Variants in FAM228B observed in about 807,000 individuals in gnomAD.
FAM228B encodes protein FAM228B.
A neutral mutation model predicts 42.6 loss-of-function variants in FAM228B; 38 were observed. The observed-to-expected ratio is 0.89, with a 90% CI of 0.69 to 1.17. The LOEUF is 1.17. FAM228B is among the 50% of genes most tolerant of loss of function. The pLI is 0.00. For missense variants in FAM228B, 344 were observed against 367.3 expected, an observed-to-expected ratio of 0.94 and a Z score of 0.52; for synonymous variants, 109 against 122.3, an observed-to-expected ratio of 0.89 and a Z score of 0.72.
At chr2:24,093,375 C>T (rs1665430320) in intron 2 of FAM228B, among the ~76,000 whole-genome samples, 1 of 151,912 alleles carries the variant, frequency 6.6e-6, no homozygotes, top group Admixed American at 6.6e-5. Context: ...TTGTTCATCT[C>T]CCACTTATGA....
At chr2:24,155,690 G>A (rs1278303254) in intron 7 of FAM228B, among the ~76,000 whole-genome samples, 1 of 151,070 alleles carries the variant, frequency 6.6e-6, no homozygotes, top group Non-Finnish European at 1.5e-5. Context: ...ACAGGCATCC[G>A]CCACCACGCC....
chr2:24,083,248 C>G, intron 2 of FAM228B: 1 of 1,362,742 alleles, frequency 7.3e-7, no homozygotes, highest in Non-Finnish European at 9.9e-7. Flanking sequence ...TTTTTTTTTT[C>G]AAAAATAAAT....
intron 3 of FAM228B, among the ~76,000 whole-genome samples, chr2:24,109,077 A>G (rs763751931): frequency 4.2e-4 from 64 of 151,902 alleles, no homozygotes; most frequent in Admixed American, 9.8e-4. Flanking sequence ...ACAGACATAT[A>G]GACCAATGGA....
chr2:24,157,085 A>G (rs985896322), intron 7 of FAM228B, among the ~76,000 whole-genome samples: 4 of 152,172 alleles, frequency 2.6e-5, no homozygotes, highest in East Asian at 1.9e-4. Context: ...TGTTGACCCA[A>G]TGATTACTCA....
Position 24,078,280 on chromosome 2 carries a change from C to T in FAM228B, c.-290+1311C>T, listed in dbSNP as rs557705395. ...TCTTCTCAAATTTATTGTTCTTTGTCTAAAAATTACAAAAGCATCTTACTT... is the reference window on the plus strand; with the variant it reads ...TCTTCTCAAATTTATTGTTCTTTGTTTAAAAATTACAAAAGCATCTTACTT... On this transcript the variant is annotated intron_variant, in intron 1 of 10. Coordinates refer to the FAM228B transcript ENST00000613899. 3.9e-5 allele frequency among the ~76,000 whole-genome samples: 6 copies of T among 151,934 alleles called. No homozygotes were observed. The South Asian group carries it at 1.0e-3, about 26-fold the overall frequency.
intron 2 of FAM228B, among the ~76,000 whole-genome samples, chr2:24,128,379 A>G (rs545795581): frequency 1.3e-5 from 2 of 152,234 alleles, no homozygotes; most frequent in Non-Finnish European, 2.9e-5. Flanking sequence ...GTGAGCCATC[A>G]TGCCTGGCCC....
chr2:24,145,389 A>G (rs1249573352), intron 5 of FAM228B, among the ~76,000 whole-genome samples: 2 of 152,214 alleles, frequency 1.3e-5, no homozygotes, highest in Admixed American at 1.3e-4. Context: ...CTGAAGAAAT[A>G]TGGAGACTAT....
chr2:24,142,008 TC>T (rs1301244866), intron 5 of FAM228B, among the ~76,000 whole-genome samples: 3 of 152,132 alleles, frequency 2.0e-5, no homozygotes, highest in Non-Finnish European at 2.9e-5. Flanking sequence ...TGTCTTCAGA[TC>T]CAGGTCCTTG....
intron 9 of FAM228B, chr2:24,165,556 C>T: frequency 2.2e-6 from 1 of 448,354 alleles, no homozygotes; most frequent in South Asian, 1.6e-5. Context: ...CCCCTAGCAG[C>T]AGCTGTCAAC....
chr2:24,110,160 C>G (rs1211487777), intron 3 of FAM228B, among the ~76,000 whole-genome samples: 1 of 152,160 alleles, frequency 6.6e-6, no homozygotes, highest in African/African-American at 2.4e-5. Context: ...AGGCATTATC[C>G]TTAGCAAACT....
At chr2:24,135,328 C>T (rs1279077652) in intron 3 of FAM228B, 141 bp downstream of exon 3, 1 of 550,656 alleles carries the variant, frequency 1.8e-6, no homozygotes, top group Non-Finnish European at 3.1e-6. Context: ...TGGAATTAAC[C>T]TTAAGGGATC....
chr2:24,155,504 CATATATATATAT>C (rs1156603467), intron 7 of FAM228B, among the ~76,000 whole-genome samples: 1 of 35,914 alleles, frequency 2.8e-5, no homozygotes, highest in African/African-American at 1.0e-4. Context: ...GAAGACCATG[CATATATATATAT>C]ATATATATAT....
chr2:24,163,720 C>T (rs931413752), intron 8 of FAM228B, among the ~76,000 whole-genome samples: 5 of 152,108 alleles, frequency 3.3e-5, no homozygotes, highest in East Asian at 1.9e-4. Flanking sequence ...TCTAGCAAAG[C>T]GAGACCCACG....
intron 2 of FAM228B, chr2:24,083,103 A>G: frequency 6.2e-7 from 1 of 1,614,018 alleles, no homozygotes; most frequent in Non-Finnish European, 8.5e-7. Context: ...AGATGCCTCA[A>G]GTCCCAAAAT....
At chr2:24,087,115 T>C (rs1665275860) in intron 2 of FAM228B, among the ~76,000 whole-genome samples, 1 of 152,238 alleles carries the variant, frequency 6.6e-6, no homozygotes, top group Non-Finnish European at 1.5e-5. Flanking sequence ...CCTAAGATTT[T>C]ATCTTAGTGA....
chr2:24,103,798 C>T (rs1665651824), intron 3 of FAM228B, among the ~76,000 whole-genome samples: 2 of 152,192 alleles, frequency 1.3e-5, no homozygotes, highest in Non-Finnish European at 2.9e-5. Context: ...GTCTACAGCT[C>T]ACAGAACTGA....
intron 7 of FAM228B, among the ~76,000 whole-genome samples, chr2:24,151,769 G>A (rs1251126178): frequency 1.3e-5 from 2 of 151,638 alleles, no homozygotes; most frequent in Admixed American, 6.6e-5. Flanking sequence ...TGTAACCTCC[G>A]CCTCCTGGGT....
upstream of FAM228B, chr2:24,121,256 C>T (rs1183287002): frequency 1.2e-6 from 2 of 1,614,146 alleles, no homozygotes; most frequent in Admixed American, 3.3e-5. Context: ...GCAAAGGGTT[C>T]TTGGCAAATC....
chr2:24,088,641 G>A (rs1411382086), intron 2 of FAM228B, among the ~76,000 whole-genome samples: 3 of 152,216 alleles, frequency 2.0e-5, no homozygotes, highest in Non-Finnish European at 2.9e-5. Context: ...GTGAGCCACC[G>A]CGCCCGGCCT....
Sources: gnomAD v4.1 joint callset for allele counts (sites outside exome capture counted in the v4.1 genomes callset) on GRCh38, gnomAD v4.1.1 for gene constraint, MANE v1.5 for transcripts, NCBI Gene and HGNC (gene_info 2026-07-23, HGNC 2026-07-21) for gene names.